The following DRC12 variants were observed in gnomAD, a reference collection of about 807,000 sequenced individuals.
The protein encoded by DRC12 is dynein regulatory complex protein 12.
the DRC12 span, chr11:119,193,729 C>A: frequency 6.5e-7 from 1 of 1,549,310 alleles, no homozygotes; most frequent in Non-Finnish European, 8.7e-7. Flanking sequence ...TCCTCCAAGC[C>A]CCTGTCTCCT....
chr11:119,194,801 G>T, the DRC12 span: 3 of 569,366 alleles, frequency 5.3e-6, no homozygotes, highest in South Asian at 2.1e-5. Flanking sequence ...TTTTCCACTA[G>T]GGGATGGTTA....
the DRC12 span, among the ~76,000 whole-genome samples, chr11:119,194,722 C>CAAAAA: frequency 6.7e-6 from 1 of 149,342 alleles, no homozygotes. Flanking sequence ...CCAAAAAAAA[C>CAAAAA]AAAAAACAAA....
At chr11:119,194,832 C>A in the DRC12 span, 1 of 945,156 alleles carries the variant, frequency 1.1e-6, no homozygotes, top group Admixed American at 2.3e-5. Context: ...AACCCCCCAC[C>A]ATACCTCCAA....
the DRC12 span, chr11:119,195,007 G>A: frequency 6.5e-7 from 1 of 1,548,830 alleles, no homozygotes; most frequent in South Asian, 1.2e-5. Flanking sequence ...GCGGTGGCAA[G>A]TGGCAGAGCC....
chr11:119,195,067 C>A, the DRC12 span: 1 of 1,295,212 alleles, frequency 7.7e-7, no homozygotes, highest in Non-Finnish European at 1.1e-6. Context: ...ATCCTCACCC[C>A]ACACCCTGCA....
the DRC12 span, chr11:119,190,387 C>T: frequency 1.1e-5 from 18 of 1,613,818 alleles, no homozygotes; most frequent in Admixed American, 3.3e-5. This position sits in a 1 kb window ranked among gnomAD's most constrained non-coding sequence, Gnocchi z 4.2. Flanking sequence ...CGTGAAGTCT[C>T]AGTGCTGCCC....
the DRC12 span, among the ~76,000 whole-genome samples, chr11:119,192,996 C>T: frequency 6.6e-6 from 1 of 152,338 alleles, no homozygotes; most frequent in Non-Finnish European, 1.5e-5. Context: ...CCCTCTGCTG[C>T]AGTCCTCAGT....
the DRC12 span, chr11:119,194,897 C>A: frequency 6.5e-7 from 1 of 1,539,428 alleles, no homozygotes; most frequent in Admixed American, 2.0e-5. Flanking sequence ...CTGTTGCCCA[C>A]CCATGCCAGC....
At chr11:119,193,679 T>A in the DRC12 span, 1 of 1,520,800 alleles carries the variant, frequency 6.6e-7, no homozygotes. Flanking sequence ...AAGCCCTCCT[T>A]GTTTCCCTTC....
the DRC12 span, chr11:119,195,003 G>C: frequency 6.5e-7 from 1 of 1,549,778 alleles, no homozygotes; most frequent in Non-Finnish European, 8.7e-7. Context: ...ACCTGCGGTG[G>C]CAAGTGGCAG....
the DRC12 span, chr11:119,194,884 C>T: frequency 6.7e-7 from 1 of 1,484,612 alleles, no homozygotes; most frequent in Non-Finnish European, 9.2e-7. Context: ...CATTTCACTT[C>T]CCCTGTTGCC....
chr11:119,195,546 C>T, the DRC12 span: 3 of 1,334,922 alleles, frequency 2.2e-6, no homozygotes, highest in African/African-American at 2.9e-5. Flanking sequence ...CACAGGGATG[C>T]TTTCCTGAGC....
the DRC12 span, chr11:119,195,622 T>G: frequency 1.4e-6 from 1 of 692,480 alleles, no homozygotes; most frequent in Non-Finnish European, 2.5e-6. Context: ...GAAAAGTCAG[T>G]TCACAGTCTC....
At chr11:119,194,785 T>A in the DRC12 span, 2 of 566,306 alleles carry the variant, frequency 3.5e-6, no homozygotes, top group Non-Finnish European at 6.4e-6. Context: ...CCCTCTCTCA[T>A]CATCTTTTTC....
chr11:119,191,572 CGAG>C, the DRC12 span, among the ~76,000 whole-genome samples: 1 of 151,452 alleles, frequency 6.6e-6, no homozygotes, highest in Admixed American at 6.6e-5. Flanking sequence ...TTTGGGAGGC[CGAG>C]GAGGGCGGAT....
At chr11:119,193,395 G>A in the DRC12 span, 5 of 830,712 alleles carry the variant, frequency 6.0e-6, no homozygotes, top group African/African-American at 3.4e-5. Flanking sequence ...CTGAGAAGCT[G>A]CAGACCATGA....
At chr11:119,193,139 G>A in the DRC12 span, 1 of 1,611,514 alleles carries the variant, frequency 6.2e-7, no homozygotes, top group East Asian at 2.2e-5. Context: ...CTTGGAGGGT[G>A]GGGAAACCTA....
chr11:119,194,515 CAAAAAAAA>C, the DRC12 span, among the ~76,000 whole-genome samples: 2 of 27,494 alleles, frequency 7.3e-5, no homozygotes, highest in South Asian at 2.7e-3. Context: ...GACTCTGTCT[CAAAAAAAA>C]AAAAAAAAAA....
the DRC12 span, chr11:119,190,733 C>T: frequency 2.5e-6 from 4 of 1,613,990 alleles, no homozygotes; most frequent in East Asian, 6.7e-5. This position sits in a 1 kb window ranked among gnomAD's most constrained non-coding sequence, Gnocchi z 4.2. Context: ...TCATACTTCG[C>T]CTCCATGTCT....
Sources: gnomAD v4.1 joint callset for allele counts (sites outside exome capture counted in the v4.1 genomes callset) on GRCh38, gnomAD v4.1.1 for gene constraint, Gnocchi (gnomAD v3.1) non-coding constraint, MANE v1.5 for transcripts, NCBI Gene and HGNC (gene_info 2026-07-23, HGNC 2026-07-21) for gene names.